The following RIPOR2 variants were observed in gnomAD, a reference collection of about 807,000 sequenced individuals.
RIPOR2 encodes the protein RHO family interacting cell polarization regulator 2.
RIPOR2 carries 39 observed loss-of-function variants against 114.5 expected under a neutral mutation model. The observed-to-expected ratio is 0.34, with a 90% CI of 0.26 to 0.44. RIPOR2 has a LOEUF of 0.44. Among genes scored for constraint, RIPOR2 ranks in the 20% least tolerant of loss-of-function variants. The pLI, the probability that RIPOR2 is intolerant of heterozygous loss-of-function variation, is 1.00. For missense variants in RIPOR2, 1,007 were observed against 1,255.1 expected (o/e 0.80, Z 2.99); for synonymous variants, 445 against 484.4 (o/e 0.92, Z 1.07).
intron 11 of RIPOR2, among the ~76,000 whole-genome samples, chr6:24,848,967 C>T (rs762860209): frequency 3.5e-4 from 54 of 152,170 alleles, no homozygotes; most frequent in African/African-American, 1.2e-3. Context: ...TGCAATGGCA[C>T]GATCTCAGCT....
At chr6:24,889,682 TC>T (rs1157602618) in intron 1 of RIPOR2, among the ~76,000 whole-genome samples, 1 of 151,998 alleles carries the variant, frequency 6.6e-6, no homozygotes, top group East Asian at 1.9e-4. Context: ...ACAACGTATG[TC>T]CCTATACATA....
At chr6:24,934,360 A>G (rs1421809860) in intron 1 of RIPOR2, among the ~76,000 whole-genome samples, 1 of 152,236 alleles carries the variant, frequency 6.6e-6, no homozygotes, top group Non-Finnish European at 1.5e-5. Flanking sequence ...ACACAACAGA[A>G]TGATAACTTG....
At chr6:24,852,507 A>T in intron 9 of RIPOR2, 68 bp downstream of exon 9, 1 of 1,174,086 alleles carries the variant, frequency 8.5e-7, no homozygotes, top group Admixed American at 2.0e-5. Flanking sequence ...AAGCAAAATA[A>T]TGACATGACA....
chr6:24,865,479 T>C (rs1581645269), intron 6 of RIPOR2, 29 bp from the exon 7 acceptor site: 1 of 1,576,974 alleles, frequency 6.3e-7, no homozygotes, highest in South Asian at 1.2e-5. Flanking sequence ...GAAACAGAAA[T>C]AAATGTCAGG....
intron 13 of RIPOR2, chr6:24,840,458 C>T: frequency 7.6e-7 from 1 of 1,321,300 alleles, no homozygotes; most frequent in Non-Finnish European, 9.7e-7. Context: ...CAAAACAATG[C>T]CAGTTGCTAT....
rs115131384 is a variant in RIPOR2 at position 24,913,974 on chromosome 6, C to G, written c.61+21864G>C. On this transcript the variant is annotated intron_variant, in intron 1 of 21. Coordinates refer to ENST00000643898, the MANE Select transcript of RIPOR2 (RefSeq NM_001286445.3). Reference sequence around the variant, plus strand: ...GGCCAATGAAAAGGAATGGTTCTTTCCAAAGAAGAAATCGTTTAATACAAG... The same window carrying G: ...GGCCAATGAAAAGGAATGGTTCTTTGCAAAGAAGAAATCGTTTAATACAAG... 7.3e-3 allele frequency among the ~76,000 whole-genome samples: 1,108 copies of G among 152,214 alleles called. 16 individuals carry two copies. The highest frequency in any genetic ancestry group is 0.025 in the African/African-American group (1,039 of 41,528).
At chr6:24,819,561 TG>T (rs1284934592) in intron 19 of RIPOR2, among the ~76,000 whole-genome samples, 2 of 151,594 alleles carry the variant, frequency 1.3e-5, no homozygotes, top group Non-Finnish European at 2.9e-5. Context: ...TGGCCCAGGC[TG>T]GAGTGCAGTG....
intron 8 of RIPOR2, among the ~76,000 whole-genome samples, chr6:24,853,474 T>G (rs910719586): frequency 4.6e-5 from 7 of 152,208 alleles, no homozygotes; most frequent in African/African-American, 1.7e-4. Context: ...GGGGTAATAA[T>G]TTGGAAATTA....
intron 1 of RIPOR2, among the ~76,000 whole-genome samples, chr6:25,017,439 C>T (rs1180414767): frequency 1.3e-5 from 2 of 152,228 alleles, no homozygotes; most frequent in Non-Finnish European, 2.9e-5. Flanking sequence ...TGCTTACAGG[C>T]TTTGAGTTCG....
upstream of RIPOR2, among the ~76,000 whole-genome samples, chr6:24,940,472 A>G (rs920253696): frequency 4.6e-5 from 7 of 152,176 alleles, no homozygotes; most frequent in African/African-American, 1.7e-4. Flanking sequence ...AAAGTAGGAG[A>G]GAGGAATTGA....
At chr6:24,907,465 TG>T (rs1769111381) in intron 1 of RIPOR2, among the ~76,000 whole-genome samples, 1 of 152,226 alleles carries the variant, frequency 6.6e-6, no homozygotes, top group South Asian at 2.1e-4. Context: ...CAGGAAAACA[TG>T]TATTATTTTT....
chr6:25,029,411 G>GAAAAAAAAAAAAAAAAAAAAA (rs71544610), intron 1 of RIPOR2, among the ~76,000 whole-genome samples: 1 of 90,636 alleles, frequency 1.1e-5, no homozygotes, highest in African/African-American at 4.2e-5. Context: ...TCTCAAAAAA[G>GAAAAAAAAAAAAAAAAAAAAA]AAAAAAAAAA....
intron 20 of RIPOR2, among the ~76,000 whole-genome samples, chr6:24,817,827 T>C (rs774224425): frequency 4.6e-4 from 70 of 152,196 alleles, no homozygotes; most frequent in Non-Finnish European, 5.1e-4. Context: ...CGGGGAAGGA[T>C]CTGGGAATTC....
intron 21 of RIPOR2, 40 bp downstream of exon 21, chr6:24,809,677 A>G (rs1385921125): frequency 7.5e-7 from 1 of 1,327,486 alleles, no homozygotes; most frequent in Admixed American, 2.0e-5. Flanking sequence ...AGAGAGTGCC[A>G]GAAGCAAACA....
rs139280533 is a variant in RIPOR2, at chr6:24,854,131, A to G, written c.716-1513T>C. Among the ~76,000 whole-genome samples, 781 of 152,014 alleles carry G rather than the reference A, an allele frequency of 5.1e-3. 2 individuals are homozygous for G. The highest frequency in any genetic ancestry group is 0.02 in the Middle Eastern group (6 of 294). On this transcript the variant is annotated intron_variant, in intron 8 of 21. Transcript: ENST00000643898. Reference sequence around the variant, plus strand: ...GAGACTATGTCTGAAAAAGAAAAAAAAAAAAAAAAGAAAGAAAACACACAG... The same window carrying G: ...GAGACTATGTCTGAAAAAGAAAAAAGAAAAAAAAAGAAAGAAAACACACAG...
intron 1 of RIPOR2, among the ~76,000 whole-genome samples, chr6:24,970,155 G>C (rs945403129): frequency 9.5e-5 from 3 of 31,432 alleles, no homozygotes; most frequent in South Asian, 2.9e-3. Context: ...GGGAAAGAAA[G>C]GGGACGAAAA....
At chr6:24,840,909 A>AGG (rs1761651871) in intron 13 of RIPOR2, 5 of 824,306 alleles carry the variant, frequency 6.1e-6, no homozygotes, top group Non-Finnish European at 7.6e-6. Flanking sequence ...AGGGGGAGAC[A>AGG]GGGAGTCGGT....
chr6:25,028,247 A>G (rs1776722443), intron 1 of RIPOR2, among the ~76,000 whole-genome samples: 1 of 151,620 alleles, frequency 6.6e-6, no homozygotes, highest in South Asian at 2.1e-4. Flanking sequence ...CCTCTAGGAG[A>G]CTCCCAGAGC....
chr6:24,870,798 G>C, intron 5 of RIPOR2, 68 bp downstream of exon 5: 1 of 1,183,972 alleles, frequency 8.4e-7, no homozygotes, highest in South Asian at 1.3e-5. Context: ...ACAGGCGTGA[G>C]CCACCGTGCC....
Sources: gnomAD v4.1 joint callset for allele counts (sites outside exome capture counted in the v4.1 genomes callset) on GRCh38, gnomAD v4.1.1 for gene constraint, MANE v1.5 for transcripts, NCBI Gene and HGNC (gene_info 2026-07-23, HGNC 2026-07-21) for gene names.